The following TDRD5 variants were observed in gnomAD, a reference collection of about 807,000 sequenced individuals.
The protein encoded by TDRD5 is tudor domain-containing protein 5.
In TDRD5, 41 loss-of-function variants were observed where a neutral mutation model predicts 120.6. The observed-to-expected ratio is 0.34, with a 90% confidence interval of 0.26 to 0.44. TDRD5 has a LOEUF of 0.44. Among genes scored for constraint, TDRD5 ranks in the 20% least tolerant of loss-of-function variants. The probability of loss-of-function intolerance (pLI) is 1.00; values close to 1 mark genes in which losing one functional copy is unlikely to be tolerated. For missense variants in TDRD5, 1,006 were observed against 1,221.2 expected, an observed-to-expected ratio of 0.82 and a Z score of 2.63; for synonymous variants, 430 against 433.7, an observed-to-expected ratio of 0.99 and a Z score of 0.11.
In TDRD5 at chr1:179,652,073, C is replaced by T. The variant is rs143910829; in HGVS notation, c.2036C>T (p.Thr679Met). 1.1e-5 allele frequency: 18 copies of T among 1,613,736 alleles called. No individual in the cohort carries two copies. Among genetic ancestry groups the T allele is most frequent in the African/African-American group, 8.0e-5 (6 of 74,980 alleles). The change falls in exon 13 of 18, where the codon ACG becomes ATG. Residue 679 changes from threonine to methionine, a missense_variant. Transcript: ENST00000444136. ...FSELNPLALYTTSSGGPEDIV... is the reference protein window; with the variant it reads ...FSELNPLALYMTSSGGPEDIV... ...GAGCTCAACCCTTTAGCTTTATACA[C>T]GACATCCAGTGGAGGGCCAGAGGAC...
chr1:179,632,370 G>C (rs1677505102), intron 7 of TDRD5, among the ~76,000 whole-genome samples: 1 of 150,670 alleles, frequency 6.6e-6, no homozygotes, highest in African/African-American at 2.4e-5. Flanking sequence ...TTATAAGCTT[G>C]AATGAGTGGT....
chr1:179,654,359 T>G lies in TDRD5; in HGVS notation c.2319T>G (p.Asn773Lys). 6.5e-7 allele frequency: 1 copy of G among 1,527,438 alleles called. No individual in the cohort carries two copies. The highest frequency in any genetic ancestry group is 8.8e-7 in the Non-Finnish European group (1 of 1,136,204). 94.6% of individuals were successfully genotyped at this position (1,527,438 alleles called of 1,614,324 possible). A position where few individuals can be genotyped will look rare whatever the true frequency, so the allele number is the denominator to read the frequency against. ...NPEPNDLKEE[N>K]EDEIPTGMPC... ...AACCAAACGATCTGAAGGAAGAAAA[T>G]GAGGTAGGAGAAGGAAAGATAGTCT... Residue 773 changes from asparagine (N) to lysine (K), a missense_variant, in exon 14 of 18, where the codon AAT becomes AAG. By Grantham distance (94) the Asn-to-Lys change is moderately conservative. Transcript: ENST00000444136.
intron 11 of TDRD5, among the ~76,000 whole-genome samples, chr1:179,643,252 A>T (rs1678151005): frequency 6.6e-6 from 1 of 152,228 alleles, no homozygotes; most frequent in African/African-American, 2.4e-5. Flanking sequence ...ACTCTTGAGA[A>T]GAGCATAACA....
intron 14 of TDRD5, among the ~76,000 whole-genome samples, chr1:179,657,036 G>T (rs1236607057): frequency 1.3e-5 from 2 of 152,214 alleles, no homozygotes; most frequent in East Asian, 3.9e-4. Flanking sequence ...CAGCCTGGAC[G>T]ACAAGAGCAA....
intron 7 of TDRD5, among the ~76,000 whole-genome samples, chr1:179,631,340 C>T (rs1011696197): frequency 4.6e-5 from 7 of 152,022 alleles, no homozygotes; most frequent in Non-Finnish European, 1.0e-4. Flanking sequence ...TGCCGGGAGC[C>T]GAGATCAAGC....
At chr1:179,670,997 TCTGAG>T (rs1221540509) in intron 17 of TDRD5, among the ~76,000 whole-genome samples, 1 of 152,242 alleles carries the variant, frequency 6.6e-6, no homozygotes. Flanking sequence ...TAGTTTTAAG[TCTGAG>T]ATCCAATTCA....
intron 4 of TDRD5, among the ~76,000 whole-genome samples, chr1:179,608,994 G>T (rs10913833): frequency 0.16 from 23,766 of 151,982 alleles, 2,328 homozygotes; most frequent in East Asian, 0.28. Context: ...TAGGAGATGG[G>T]GTCTTTAGGA....
chr1:179,616,249 A>G (rs980442105), intron 4 of TDRD5, among the ~76,000 whole-genome samples: 1 of 152,096 alleles, frequency 6.6e-6, no homozygotes, highest in East Asian at 1.9e-4. Flanking sequence ...ACAAAAGCCT[A>G]CCTCTTTGTT....
At chr1:179,657,193 G>A (rs1056815523) in intron 14 of TDRD5, among the ~76,000 whole-genome samples, 5 of 152,086 alleles carry the variant, frequency 3.3e-5, no homozygotes, top group African/African-American at 1.2e-4. Context: ...TTTGATTGGA[G>A]TTGTGTTATA....
At chr1:179,608,693 G>GT in intron 4 of TDRD5, among the ~76,000 whole-genome samples, 1 of 150,274 alleles carries the variant, frequency 6.7e-6, no homozygotes. Flanking sequence ...TGTAATAACT[G>GT]TTTTAGAGGG....
chr1:179,636,014 T>C (rs1358069808), intron 9 of TDRD5, 127 bp downstream of exon 9: 1 of 630,560 alleles, frequency 1.6e-6, no homozygotes, highest in Non-Finnish European at 2.4e-6. Flanking sequence ...GTATTTATTG[T>C]ATAGAAATTA....
chr1:179,632,700 T>G (rs1250862613), intron 7 of TDRD5, among the ~76,000 whole-genome samples: 1 of 152,212 alleles, frequency 6.6e-6, no homozygotes, highest in Non-Finnish European at 1.5e-5. Context: ...TGTTTATTTT[T>G]GGACCTCTTC....
chr1:179,652,521 C>T (rs1558408305), intron 13 of TDRD5, among the ~76,000 whole-genome samples: 1 of 152,132 alleles, frequency 6.6e-6, no homozygotes. Context: ...TGTAAACTTT[C>T]AGCAACTCCT....
At chr1:179,681,894 G>T (rs1414720798) in intron 17 of TDRD5, among the ~76,000 whole-genome samples, 8 of 108,542 alleles carry the variant, frequency 7.4e-5, no homozygotes, top group African/African-American at 2.4e-4. Flanking sequence ...GTCTCCAAGT[G>T]TACTAGTCTT....
intron 14 of TDRD5, among the ~76,000 whole-genome samples, chr1:179,661,104 A>C (rs1018235023): frequency 6.6e-6 from 1 of 151,960 alleles, no homozygotes; most frequent in Non-Finnish European, 1.5e-5. Flanking sequence ...TACATTCAAG[A>C]TAGTTCTTTG....
At chr1:179,616,808 C>T (rs899535511) in intron 4 of TDRD5, among the ~76,000 whole-genome samples, 5 of 152,146 alleles carry the variant, frequency 3.3e-5, no homozygotes, top group East Asian at 1.9e-4. Context: ...GCACTTACAG[C>T]CTTAGGTTAT....
intron 1 of TDRD5, 156 bp from the exon 2 acceptor site, chr1:179,592,446 G>A (rs564749293): frequency 1.7e-6 from 1 of 599,844 alleles, no homozygotes; most frequent in East Asian, 2.9e-5. Context: ...TGAATCGCCC[G>A]GCCACGCGCA....
Position 179,690,712 on chromosome 1 carries a change from G to C in TDRD5, c.2877G>C (p.Glu959Asp). 1 of 1,613,870 alleles carries C rather than the reference G, an allele frequency of 6.2e-7. No homozygotes were observed. The change falls in exon 18 of 18, where the codon GAG (glutamate) becomes GAC (aspartate). Residue 959 changes from glutamate (E) to aspartate (D), a missense_variant. By Grantham distance (45) the Glu-to-Asp change is conservative. Coordinates refer to ENST00000444136, the MANE Select transcript of TDRD5 (RefSeq NM_001199085.3). ...CTTTTCCAGTGGAAAGCTCACCAGA[G>C]ATCCTAAAGAATGAAGATTTTTCTA... The part of the protein sequence containing the change: ...KPSGSVESSP[E>D]ILKNEDFSSS...
chr1:179,639,738 T>G (rs1375154880), intron 9 of TDRD5, 101 bp from the exon 10 acceptor site: 2 of 1,245,390 alleles, frequency 1.6e-6, no homozygotes, highest in Non-Finnish European at 1.1e-6. Flanking sequence ...AATTTTCTTT[T>G]CTTTGCTTTT....
Sources: allele counts gnomAD v4.1 joint callset (sites outside exome capture counted in the v4.1 genomes callset), GRCh38; gene constraint gnomAD v4.1.1; transcripts MANE v1.5; gene names NCBI Gene and HGNC (gene_info 2026-07-23, HGNC 2026-07-21).